PRKAR1A: variants seen among roughly 807,000 people sequenced by gnomAD.
The protein encoded by PRKAR1A is cAMP-dependent protein kinase type I-alpha regulatory subunit.
A neutral mutation model predicts 52.0 loss-of-function variants in PRKAR1A; 3 were observed. That is an observed-to-expected ratio of 0.06 (90% confidence interval 0.03 to 0.15). The LOEUF is 0.15. Ranked by LOEUF, PRKAR1A falls within the 10% of genes least tolerant of loss-of-function variation. The pLI is 1.00. For missense variants in PRKAR1A, 240 were observed against 477.4 expected, an observed-to-expected ratio of 0.50 and a Z score of 4.63; for synonymous variants, 188 against 168.4, an observed-to-expected ratio of 1.12 and a Z score of -0.90.
the PRKAR1A span, chr17:68,421,886 C>A: frequency 6.2e-7 from 1 of 1,604,062 alleles, no homozygotes; most frequent in South Asian, 1.1e-5. Flanking sequence ...GGTGCATTAT[C>A]AACAGGTCTG....
the PRKAR1A span, chr17:68,457,388 C>T: frequency 6.5e-7 from 1 of 1,536,176 alleles, no homozygotes. Context: ...GACTCAACCC[C>T]GCCCGGGGGA....
chr17:68,433,699 C>A, the PRKAR1A span: 1 of 548,572 alleles, frequency 1.8e-6, no homozygotes, highest in Admixed American at 2.8e-5. Flanking sequence ...ACCCAGATCC[C>A]TTAAACACTG....
chr17:68,433,431 C>G, the PRKAR1A span: 2 of 1,574,582 alleles, frequency 1.3e-6, no homozygotes, highest in Non-Finnish European at 1.7e-6. Context: ...TGACTCCTTT[C>G]GTTTAATGAG....
intron 6 of PRKAR1A, 112 bp from the exon 7 acceptor site, chr17:68,525,642 G>T (rs533130503): frequency 4.8e-5 from 58 of 1,219,182 alleles, no homozygotes; most frequent in Non-Finnish European, 4.6e-5. Context: ...AATATATTCT[G>T]TTTTTTAAAA....
chr17:68,544,846 C>G (rs569313433), intron 11 of PRKAR1A, among the ~76,000 whole-genome samples: 2 of 152,136 alleles, frequency 1.3e-5, no homozygotes, highest in African/African-American at 4.8e-5. Context: ...TTTCAGACAC[C>G]TTTTAGGTTC....
chr17:68,477,792 G>A, the PRKAR1A span, among the ~76,000 whole-genome samples: 4,205 of 151,320 alleles, frequency 0.028, 175 homozygotes, highest in African/African-American at 0.095. Flanking sequence ...GTGCCATCTC[G>A]GCTCACTGCA....
the PRKAR1A span, among the ~76,000 whole-genome samples, chr17:68,480,438 T>A: frequency 6.6e-6 from 1 of 152,158 alleles, no homozygotes; most frequent in African/African-American, 2.4e-5. Flanking sequence ...GTTCAGGGGT[T>A]CCCAGACAAC....
chr17:68,462,419 C>T, the PRKAR1A span, among the ~76,000 whole-genome samples: 1 of 152,132 alleles, frequency 6.6e-6, no homozygotes, highest in Non-Finnish European at 1.5e-5. Context: ...AACACAGAGA[C>T]GGGTTCAGCA....
chr17:68,425,669 C>T, the PRKAR1A span, among the ~76,000 whole-genome samples: 1 of 152,198 alleles, frequency 6.6e-6, no homozygotes, highest in Non-Finnish European at 1.5e-5. Flanking sequence ...GAAACCATCC[C>T]CTCCAGCACA....
At chr17:68,504,971 AAT>A in the PRKAR1A span, among the ~76,000 whole-genome samples, 6 of 152,152 alleles carry the variant, frequency 3.9e-5, no homozygotes, top group Non-Finnish European at 8.8e-5. Flanking sequence ...ACAAATAAAA[AAT>A]AGAGAGAAAA....
chr17:68,422,854 G>T, the PRKAR1A span: 2 of 150,888 alleles, frequency 1.3e-5, no homozygotes, highest in Non-Finnish European at 2.9e-5. Context: ...AGGTTGGCTT[G>T]TTCCTGAAAC....
the PRKAR1A span, chr17:68,434,543 A>G: frequency 2.5e-6 from 4 of 1,613,700 alleles, no homozygotes; most frequent in Non-Finnish European, 3.4e-6. Context: ...TGGGTTTGAC[A>G]TTGAACACAG....
the PRKAR1A span, among the ~76,000 whole-genome samples, chr17:68,488,873 C>T: frequency 6.6e-6 from 1 of 151,882 alleles, no homozygotes; most frequent in Non-Finnish European, 1.5e-5. Context: ...GTCAGGCTCC[C>T]TGGTGGATAT....
At chr17:68,457,483 C>T in the PRKAR1A span, 1 of 1,338,564 alleles carries the variant, frequency 7.5e-7, no homozygotes, top group Non-Finnish European at 9.6e-7. Flanking sequence ...GCAGCCCGCC[C>T]GCGCCGGCTC....
chr17:68,496,110 C>T, the PRKAR1A span, among the ~76,000 whole-genome samples: 2 of 120,118 alleles, frequency 1.7e-5, no homozygotes, highest in Non-Finnish European at 3.4e-5. Context: ...GGCGCTATCT[C>T]GGCTCACTGC....
intron 5 of PRKAR1A, 22 bp downstream of exon 5, chr17:68,524,099 A>G: frequency 1.2e-6 from 2 of 1,612,636 alleles, no homozygotes; most frequent in Non-Finnish European, 1.7e-6. Context: ...TGGAGCATGC[A>G]ATATTGTTAC....
At chr17:68,425,859 A>G in the PRKAR1A span, 1 of 519,114 alleles carries the variant, frequency 1.9e-6, no homozygotes, top group Non-Finnish European at 3.4e-6. Context: ...CGGTGACTCT[A>G]ATGCCATCAG....
At chr17:68,502,553 C>T in the PRKAR1A span, among the ~76,000 whole-genome samples, 1 of 151,982 alleles carries the variant, frequency 6.6e-6, no homozygotes, top group Admixed American at 6.6e-5. Flanking sequence ...GAGTTCAAGA[C>T]CAGACTGACC....
chr17:68,440,921 T>C, the PRKAR1A span: 2 of 152,336 alleles, frequency 1.3e-5, no homozygotes, highest in African/African-American at 4.8e-5. Flanking sequence ...GACATCTTCT[T>C]TGTACAGCAA....
Sources: allele counts gnomAD v4.1 joint callset (sites outside exome capture counted in the v4.1 genomes callset), GRCh38; gene constraint gnomAD v4.1.1; transcripts MANE v1.5; gene names NCBI Gene and HGNC (gene_info 2026-07-23, HGNC 2026-07-21).